Variants in SCHIP1 observed in about 807,000 individuals in gnomAD.
SCHIP1 encodes schwannomin-interacting protein 1.
A neutral mutation model predicts 29.7 loss-of-function variants in SCHIP1; 8 were observed. The observed-to-expected ratio is 0.27, with a 90% CI of 0.16 to 0.49. The LOEUF (loss-of-function observed/expected upper bound fraction) is 0.49, where lower values mean the gene tolerates loss of function less well. Among genes scored for constraint, SCHIP1 ranks in the 20% least tolerant of loss-of-function variants. The pLI is 0.99. For synonymous variants in SCHIP1, 76 were observed against 94.9 expected, an observed-to-expected ratio of 0.80 and a Z score of 1.16; for missense variants, 193 against 294.6, an observed-to-expected ratio of 0.66 and a Z score of 2.52.
the SCHIP1 span, among the ~76,000 whole-genome samples, chr3:159,593,968 C>G: frequency 6.6e-6 from 1 of 152,214 alleles, no homozygotes. Flanking sequence ...GCTACTGGCC[C>G]CATCCCTCAC....
chr3:159,680,653 TATATATAAA>T, the SCHIP1 span, among the ~76,000 whole-genome samples: 4 of 82,730 alleles, frequency 4.8e-5, no homozygotes, highest in African/African-American at 2.3e-4. Context: ...ATAATATATG[TATATATAAA>T]ATATATATTA....
chr3:159,426,254 T>C, the SCHIP1 span, among the ~76,000 whole-genome samples: 3 of 152,178 alleles, frequency 2.0e-5, no homozygotes, highest in Non-Finnish European at 4.4e-5. Context: ...AGATGGTTTT[T>C]TGAAAGGATC....
At chr3:159,892,543 G>A (rs901259133) in intron 6 of SCHIP1, 9 of 470,084 alleles carry the variant, frequency 1.9e-5, no homozygotes, top group African/African-American at 1.8e-4. Context: ...AGCACAAGCA[G>A]CCATGTGATG....
chr3:159,297,295 T>C, the SCHIP1 span, among the ~76,000 whole-genome samples: 1 of 152,110 alleles, frequency 6.6e-6, no homozygotes, highest in Non-Finnish European at 1.5e-5. Context: ...ACTGATTTCA[T>C]TTGCTGTAGA....
chr3:159,538,412 T>C, the SCHIP1 span, among the ~76,000 whole-genome samples: 174 of 152,292 alleles, frequency 1.1e-3, no homozygotes, highest in Admixed American at 8.8e-3. Flanking sequence ...AATGAAAAGA[T>C]ATTTTAATGC....
the SCHIP1 span, among the ~76,000 whole-genome samples, chr3:159,639,923 G>A: frequency 6.6e-6 from 1 of 152,128 alleles, no homozygotes; most frequent in African/African-American, 2.4e-5. Context: ...TATAAAGCTT[G>A]GTTCTGTGCC....
the SCHIP1 span, among the ~76,000 whole-genome samples, chr3:159,733,705 C>T: frequency 2.0e-5 from 3 of 152,134 alleles, no homozygotes; most frequent in Admixed American, 2.0e-4. Flanking sequence ...CTAACAAGTG[C>T]TCTATCCACT....
the SCHIP1 span, among the ~76,000 whole-genome samples, chr3:159,761,320 C>T: frequency 5.0e-3 from 756 of 152,316 alleles, 3 homozygotes; most frequent in Middle Eastern, 0.031. Flanking sequence ...GTAGAATTGA[C>T]AGGACTTGTT....
the SCHIP1 span, among the ~76,000 whole-genome samples, chr3:159,312,486 A>T: frequency 1.3e-5 from 2 of 152,190 alleles, no homozygotes; most frequent in East Asian, 1.9e-4. Flanking sequence ...AGTGACGTGC[A>T]TCGCCTCCTC....
chr3:159,584,774 CT>C, the SCHIP1 span, among the ~76,000 whole-genome samples: 1 of 152,176 alleles, frequency 6.6e-6, no homozygotes, highest in East Asian at 1.9e-4. Flanking sequence ...TCAGTAAGCC[CT>C]GATGCATGCT....
At chr3:159,442,447 G>A in the SCHIP1 span, among the ~76,000 whole-genome samples, 4 of 152,146 alleles carry the variant, frequency 2.6e-5, no homozygotes, top group Non-Finnish European at 5.9e-5. Flanking sequence ...AGCTGGCTGA[G>A]CTTAGGTCCC....
the SCHIP1 span, among the ~76,000 whole-genome samples, chr3:159,377,279 A>T: frequency 6.6e-6 from 1 of 152,208 alleles, no homozygotes; most frequent in South Asian, 2.1e-4. Flanking sequence ...CTGGTCACCA[A>T]GGAGCCCAGT....
the SCHIP1 span, among the ~76,000 whole-genome samples, chr3:159,285,624 A>G: frequency 6.6e-6 from 1 of 151,720 alleles, no homozygotes. Flanking sequence ...ATTTTATTTT[A>G]TTTATTGTCT....
chr3:159,588,537 C>A, the SCHIP1 span, among the ~76,000 whole-genome samples: 2 of 152,026 alleles, frequency 1.3e-5, no homozygotes, highest in Admixed American at 1.3e-4. Context: ...GAAGTCCTTG[C>A]CCATGCCTAT....
At chr3:159,808,096 G>A in the SCHIP1 span, among the ~76,000 whole-genome samples, 3 of 152,204 alleles carry the variant, frequency 2.0e-5, no homozygotes, top group Non-Finnish European at 4.4e-5. Context: ...AACAGAGTAA[G>A]AGATAGCTTC....
chr3:159,545,937 T>A, the SCHIP1 span, among the ~76,000 whole-genome samples: 2 of 151,752 alleles, frequency 1.3e-5, no homozygotes, highest in Non-Finnish European at 2.9e-5. Flanking sequence ...TTTTAAACAT[T>A]TTTTCAAAAA....
chr3:159,664,762 G>A, the SCHIP1 span, among the ~76,000 whole-genome samples: 1 of 152,206 alleles, frequency 6.6e-6, no homozygotes, highest in African/African-American at 2.4e-5. Flanking sequence ...AAAAAGGCAG[G>A]AGGCAAGAAC....
chr3:159,487,493 G>A, the SCHIP1 span, among the ~76,000 whole-genome samples: 1 of 152,174 alleles, frequency 6.6e-6, no homozygotes, highest in South Asian at 2.1e-4. Flanking sequence ...ACATTTCACA[G>A]TTGGAGCTGC....
At chr3:159,301,506 A>T in the SCHIP1 span, among the ~76,000 whole-genome samples, 1,250 of 152,256 alleles carry the variant, frequency 8.2e-3, 14 homozygotes, top group African/African-American at 0.029. Flanking sequence ...TTGGGAACTG[A>T]CATGATTTGA....
Sources: gnomAD v4.1 joint callset for allele counts (sites outside exome capture counted in the v4.1 genomes callset) on GRCh38, gnomAD v4.1.1 for gene constraint, MANE v1.5 for transcripts, NCBI Gene and HGNC (gene_info 2026-07-23, HGNC 2026-07-21) for gene names.